Variants in PTPRD observed in about 807,000 individuals in gnomAD.
PTPRD encodes receptor-type tyrosine-protein phosphatase delta.
In PTPRD, 34 loss-of-function variants were observed where a neutral mutation model predicts 214.5. The observed-to-expected ratio is 0.16, with a 90% CI of 0.12 to 0.21. The LOEUF (loss-of-function observed/expected upper bound fraction) is 0.21, where lower values mean the gene tolerates loss of function less well. Among genes scored for constraint, PTPRD ranks in the 10% least tolerant of loss-of-function variants. PTPRD has a pLI of 1.00. For synonymous variants in PTPRD, 1,128 were observed against 845.7 expected (o/e 1.33, Z -5.79); for missense variants, 2,545 against 2,398.7 (o/e 1.06, Z -1.27).
At chr9:10,378,468 C>A (rs916434538) in intron 2 of PTPRD, among the ~76,000 whole-genome samples, 3 of 151,918 alleles carry the variant, frequency 2.0e-5, no homozygotes, top group East Asian at 1.9e-4. Context: ...AGTCTTTAAT[C>A]CATTTTGATT....
intron 9 of PTPRD, among the ~76,000 whole-genome samples, chr9:9,231,806 T>C (rs1458304062): frequency 1.3e-5 from 2 of 152,168 alleles, no homozygotes; most frequent in Non-Finnish European, 2.9e-5. Context: ...TAGGTATACA[T>C]GTGCCATGTT....
At chr9:9,603,908 G>C (rs985154685) in intron 7 of PTPRD, among the ~76,000 whole-genome samples, 1 of 151,890 alleles carries the variant, frequency 6.6e-6, no homozygotes, top group East Asian at 1.9e-4. Flanking sequence ...GAGGTCAACT[G>C]TGTGTCACTT....
intron 5 of PTPRD, among the ~76,000 whole-genome samples, chr9:9,816,954 T>C (rs1320645857): frequency 6.6e-6 from 1 of 151,934 alleles, no homozygotes; most frequent in Non-Finnish European, 1.5e-5. Context: ...TAATAGAAAA[T>C]AAGGATTCTT....
chr9:10,559,630 A>C (rs527274043), intron 2 of PTPRD, among the ~76,000 whole-genome samples: 2 of 152,202 alleles, frequency 1.3e-5, no homozygotes, highest in South Asian at 4.1e-4. Context: ...CAACCCACAA[A>C]ATGGGAGAAA....
chr9:9,197,655 C>A (rs1291208227), intron 9 of PTPRD, among the ~76,000 whole-genome samples: 3 of 152,174 alleles, frequency 2.0e-5, no homozygotes, highest in African/African-American at 7.2e-5. Context: ...AGGTGATCTG[C>A]CCGCCACGGC....
chr9:9,844,655 C>G lies in PTPRD; in HGVS notation c.-367-77804G>C, dbSNP rs534388627. ...AACTACGACAAATTACACCAATTAA[C>G]AGTTATTAGCTTTATTTATTATTTA... On this transcript the variant is annotated intron_variant, in intron 5 of 45. Coordinates refer to ENST00000381196, the MANE Select transcript of PTPRD (RefSeq NM_002839.4). 5.3e-5 allele frequency among the ~76,000 whole-genome samples: 8 copies of G among 151,876 alleles called. No homozygotes were observed. The South Asian group carries it at 1.0e-3, about 20-fold the overall frequency.
At chr9:10,389,615 G>A (rs1198650553) in intron 2 of PTPRD, among the ~76,000 whole-genome samples, 1 of 151,700 alleles carries the variant, frequency 6.6e-6, no homozygotes, top group Non-Finnish European at 1.5e-5. Flanking sequence ...CTGTAATGCA[G>A]ATAAATAAAT....
At chr9:8,385,465 G>C (rs569768909) in intron 37 of PTPRD, among the ~76,000 whole-genome samples, 1 of 152,268 alleles carries the variant, frequency 6.6e-6, no homozygotes, top group Admixed American at 6.5e-5. Flanking sequence ...AGTGAACTAT[G>C]ACCACACCAC....
chr9:8,601,170 G>A lies in PTPRD; in HGVS notation c.352+32147C>T, dbSNP rs191350314. Among the ~76,000 whole-genome samples the A allele has an allele frequency of 2.5e-4, 38 of 152,264 alleles. No homozygotes were observed. In the East Asian group the frequency reaches 7.2e-3, roughly 29 times the overall value. On this transcript the variant is annotated intron_variant, in intron 14 of 45. Coordinates refer to ENST00000381196, the MANE Select transcript of PTPRD (RefSeq NM_002839.4). The stretch of plus-strand genomic sequence containing the variant: ...GATGTTCCTCTATCTGTGGAAAGGG[G>A]ACCGAAGAGTGAGAAGCACTATGTC...
intron 11 of PTPRD, among the ~76,000 whole-genome samples, chr9:8,811,942 GATC>G (rs1163699565): frequency 3.8e-4 from 57 of 150,936 alleles, no homozygotes; most frequent in Non-Finnish European, 7.8e-4. Context: ...CCTGAGTGAA[GATC>G]TGCACAGGGA....
intron 11 of PTPRD, among the ~76,000 whole-genome samples, chr9:8,791,432 G>C (rs926832406): frequency 1.3e-5 from 2 of 151,540 alleles, no homozygotes; most frequent in African/African-American, 4.9e-5. Flanking sequence ...CACCATGTTG[G>C]TCAGGCTGGT....
At chr9:10,019,646 A>C (rs2096802706) in intron 4 of PTPRD, among the ~76,000 whole-genome samples, 1 of 152,174 alleles carries the variant, frequency 6.6e-6, no homozygotes, top group South Asian at 2.1e-4. Flanking sequence ...ATGAAGCTGG[A>C]AACCGTCATT....
chr9:9,320,248 G>A (rs1404497436), intron 9 of PTPRD, among the ~76,000 whole-genome samples: 1 of 151,838 alleles, frequency 6.6e-6, no homozygotes, highest in African/African-American at 2.4e-5. Context: ...GGACACTTTG[G>A]AAGACCTACT....
intron 11 of PTPRD, among the ~76,000 whole-genome samples, chr9:8,984,033 A>T (rs1567399893): frequency 6.6e-6 from 1 of 152,118 alleles, no homozygotes; most frequent in African/African-American, 2.4e-5. Flanking sequence ...TTTCTATACT[A>T]TAACGTATAT....
intron 7 of PTPRD, among the ~76,000 whole-genome samples, chr9:9,709,044 G>C (rs577840711): frequency 2.0e-5 from 3 of 152,020 alleles, no homozygotes; most frequent in Admixed American, 2.0e-4. Flanking sequence ...TTTCATGAGT[G>C]AATGAATGTC....
At chr9:9,878,622 CT>C (rs1270475141) in intron 5 of PTPRD, among the ~76,000 whole-genome samples, 16 of 152,232 alleles carry the variant, frequency 1.1e-4, no homozygotes, top group African/African-American at 3.9e-4. Context: ...GCGTACATTG[CT>C]GGATGAATGA....
At chr9:9,302,474 G>T (rs1424971446) in intron 9 of PTPRD, among the ~76,000 whole-genome samples, 2 of 59,668 alleles carry the variant, frequency 3.4e-5, no homozygotes, top group African/African-American at 1.8e-4. Context: ...ATGCATTTTA[G>T]GTTGCAGATA....
chr9:8,884,580 G>A (rs2154224386), intron 11 of PTPRD, among the ~76,000 whole-genome samples: 1 of 152,330 alleles, frequency 6.6e-6, no homozygotes, highest in South Asian at 2.1e-4. Context: ...GCCAGAGAGT[G>A]GGAGGGAGCA....
intron 3 of PTPRD, among the ~76,000 whole-genome samples, chr9:10,062,530 C>T (rs2097793067): frequency 6.6e-6 from 1 of 151,934 alleles, no homozygotes; most frequent in African/African-American, 2.4e-5. Context: ...CACTTAAACC[C>T]GCAAGGCAGA....
Sources: allele counts gnomAD v4.1 joint callset (sites outside exome capture counted in the v4.1 genomes callset), GRCh38; gene constraint gnomAD v4.1.1; transcripts MANE v1.5; gene names NCBI Gene and HGNC (gene_info 2026-07-23, HGNC 2026-07-21).